LRFN2: variants seen among roughly 807,000 people sequenced by gnomAD.
The protein encoded by LRFN2 is leucine-rich repeat and fibronectin type-III domain-containing protein 2.
LRFN2 carries 18 observed loss-of-function variants against 37.3 expected under a neutral mutation model. The ratio of observed to expected loss-of-function variants is 0.48; its 90% CI spans 0.33 to 0.72. The LOEUF (loss-of-function observed/expected upper bound fraction) is 0.72, where lower values mean the gene tolerates loss of function less well. Among genes scored for constraint, LRFN2 ranks in the 30% least tolerant of loss-of-function variants. LRFN2 has a pLI of 0.02. For synonymous variants in LRFN2, 556 were observed against 466.6 expected, an observed-to-expected ratio of 1.19 and a Z score of -2.47; for missense variants, 1,006 against 1,060.7, an observed-to-expected ratio of 0.95 and a Z score of 0.72.
chr6:40,560,919 C>A (rs548040475), intron 1 of LRFN2, among the ~76,000 whole-genome samples: 2 of 152,222 alleles, frequency 1.3e-5, no homozygotes, highest in South Asian at 4.2e-4. Flanking sequence ...CCAAACCTAC[C>A]ACACTCTAAT....
chr6:40,533,421 G>A (rs1294228725), intron 1 of LRFN2, among the ~76,000 whole-genome samples: 8 of 145,784 alleles, frequency 5.5e-5, no homozygotes, highest in African/African-American at 2.2e-4. Flanking sequence ...ACACTTGAAA[G>A]AGAGAGAGAA....
chr6:40,422,783 A>T (rs1034944318), intron 2 of LRFN2, among the ~76,000 whole-genome samples: 4 of 151,804 alleles, frequency 2.6e-5, no homozygotes. Context: ...CGATATCCTC[A>T]CTCCCATCTC....
chr6:40,451,225 G>A (rs1318200390), intron 1 of LRFN2, among the ~76,000 whole-genome samples: 1 of 152,176 alleles, frequency 6.6e-6, no homozygotes, highest in African/African-American at 2.4e-5. Context: ...AGTGCCCACA[G>A]CTTTCATTAG....
intron 2 of LRFN2, among the ~76,000 whole-genome samples, chr6:40,416,554 C>A (rs1253402759): frequency 1.3e-5 from 2 of 152,176 alleles, no homozygotes; most frequent in Admixed American, 6.5e-5. Flanking sequence ...GCATGAGCCC[C>A]ATTTTAAAGA....
intron 1 of LRFN2, among the ~76,000 whole-genome samples, chr6:40,489,001 G>A (rs747643805): frequency 3.3e-5 from 5 of 152,174 alleles, no homozygotes; most frequent in Non-Finnish European, 7.4e-5. Flanking sequence ...AGGTGTTGGC[G>A]TAAAGACTTC....
intron 1 of LRFN2, among the ~76,000 whole-genome samples, chr6:40,446,223 G>A (rs1763965984): frequency 6.6e-6 from 1 of 152,210 alleles, no homozygotes; most frequent in African/African-American, 2.4e-5. Flanking sequence ...CTGAATCCAA[G>A]GCTGGGGTGT....
chr6:40,471,915 G>A (rs539818980), intron 1 of LRFN2, among the ~76,000 whole-genome samples: 1 of 152,304 alleles, frequency 6.6e-6, no homozygotes, highest in East Asian at 1.9e-4. Context: ...CCCAGAAGCA[G>A]CGAGGGCCTA....
intron 2 of LRFN2, among the ~76,000 whole-genome samples, chr6:40,411,873 G>A (rs1309214095): frequency 1.3e-5 from 2 of 152,014 alleles, no homozygotes; most frequent in Admixed American, 1.3e-4. Flanking sequence ...CTCATTTGTG[G>A]TGCCTGTTGC....
chr6:40,545,246 A>C (rs1461432057), intron 1 of LRFN2, among the ~76,000 whole-genome samples: 1 of 152,162 alleles, frequency 6.6e-6, no homozygotes, highest in Non-Finnish European at 1.5e-5. Flanking sequence ...AATGCTGGAG[A>C]ACTGAGCAGT....
intron 1 of LRFN2, among the ~76,000 whole-genome samples, chr6:40,466,064 C>G: frequency 6.6e-6 from 1 of 152,166 alleles, no homozygotes; most frequent in East Asian, 1.9e-4. Context: ...AGACTTGAGG[C>G]TCTCAGCTAC....
intron 1 of LRFN2, among the ~76,000 whole-genome samples, chr6:40,493,394 T>C (rs1462023548): frequency 1.3e-5 from 2 of 152,176 alleles, no homozygotes; most frequent in African/African-American, 4.8e-5. Context: ...GAGACACTGT[T>C]TTCTATATTC....
At chr6:40,450,550 C>T (rs1764080435) in intron 1 of LRFN2, among the ~76,000 whole-genome samples, 2 of 152,218 alleles carry the variant, frequency 1.3e-5, no homozygotes, top group South Asian at 4.1e-4. Context: ...TGCAACCGTG[C>T]TGGAAGCCTG....
intron 2 of LRFN2, among the ~76,000 whole-genome samples, chr6:40,426,110 T>C (rs1200264227): frequency 6.6e-6 from 1 of 152,152 alleles, no homozygotes; most frequent in Non-Finnish European, 1.5e-5. Context: ...GCACCTTAAC[T>C]CCAGGAGGCA....
intron 1 of LRFN2, among the ~76,000 whole-genome samples, chr6:40,537,779 G>A (rs778702191): frequency 1.3e-5 from 2 of 152,136 alleles, no homozygotes; most frequent in African/African-American, 2.4e-5. Context: ...CTCCCTCAGT[G>A]TTAAAGCTGG....
intron 1 of LRFN2, among the ~76,000 whole-genome samples, chr6:40,467,166 A>AGATGAT (rs35088407): frequency 0.017 from 2,524 of 148,656 alleles, 53 homozygotes; most frequent in African/African-American, 0.044. Flanking sequence ...AAGTTGAATG[A>AGATGAT]GATGATGATG....
At chr6:40,551,786 T>C (rs1389043378) in intron 1 of LRFN2, among the ~76,000 whole-genome samples, 1 of 152,178 alleles carries the variant, frequency 6.6e-6, no homozygotes, top group African/African-American at 2.4e-5. Flanking sequence ...TCACTGAACA[T>C]TCTTAATAAG....
chr6:40,564,011 A>T (rs1446564982), intron 1 of LRFN2, among the ~76,000 whole-genome samples: 1 of 152,182 alleles, frequency 6.6e-6, no homozygotes, highest in Non-Finnish European at 1.5e-5. Context: ...ACATTATCTC[A>T]TTTAATAATA....
At chr6:40,477,912 C>T (rs1009237238) in intron 1 of LRFN2, among the ~76,000 whole-genome samples, 4 of 152,188 alleles carry the variant, frequency 2.6e-5, no homozygotes, top group Non-Finnish European at 4.4e-5. Context: ...GACAATGCCA[C>T]AAGATGTTGT....
intron 1 of LRFN2, among the ~76,000 whole-genome samples, chr6:40,434,890 G>A (rs905144828): frequency 3.8e-4 from 57 of 151,264 alleles, no homozygotes; most frequent in African/African-American, 1.2e-3. Context: ...AGCTCTGTAC[G>A]CATGAGCAAG....
Sources: gnomAD v4.1 joint callset for allele counts (sites outside exome capture counted in the v4.1 genomes callset) on GRCh38, gnomAD v4.1.1 for gene constraint, MANE v1.5 for transcripts, NCBI Gene and HGNC (gene_info 2026-07-23, HGNC 2026-07-21) for gene names.